The following NCAPD3 variants were observed in gnomAD, a reference collection of about 807,000 sequenced individuals.
The protein encoded by NCAPD3 is condensin-2 complex subunit D3.
In NCAPD3, 105 loss-of-function variants were observed where a neutral mutation model predicts 182.9. The ratio of observed to expected loss-of-function variants is 0.57; its 90% confidence interval spans 0.49 to 0.68. The LOEUF (loss-of-function observed/expected upper bound fraction) is 0.68. Among genes scored for constraint, NCAPD3 ranks in the 30% least tolerant of loss-of-function variants. NCAPD3 has a pLI of 0.00. For missense variants in NCAPD3, 1,944 were observed against 1,837.0 expected (o/e 1.06, Z -1.07); for synonymous variants, 815 against 679.9 (o/e 1.20, Z -3.09).
At chr11:134,186,115 A>G (rs1944400751) in intron 16 of NCAPD3, 1 of 152,220 alleles carries the variant, frequency 6.6e-6, no homozygotes, top group Non-Finnish European at 1.5e-5. Context: ...AAAATATGCA[A>G]TAACTTAATA....
At chr11:134,172,272 C>G (rs951114562) in intron 24 of NCAPD3, among the ~76,000 whole-genome samples, 1 of 152,224 alleles carries the variant, frequency 6.6e-6, no homozygotes, top group Non-Finnish European at 1.5e-5. Context: ...CCCTAACTTT[C>G]TGCTTTCCTG....
chr11:134,185,183 A>T, intron 17 of NCAPD3, 152 bp downstream of exon 17: 1 of 890,632 alleles, frequency 1.1e-6, no homozygotes, highest in Admixed American at 2.8e-5. Context: ...GTGAAACATG[A>T]TTCTTATTTT....
chr11:134,214,971 T>A (rs1241448215), intron 3 of NCAPD3, among the ~76,000 whole-genome samples: 1 of 152,072 alleles, frequency 6.6e-6, no homozygotes, highest in Non-Finnish European at 1.5e-5. Flanking sequence ...TTCAACAAAA[T>A]ATTAGCAAAC....
chr11:134,184,823 AC>A, intron 18 of NCAPD3, 71 bp from the exon 19 acceptor site: 2 of 1,256,118 alleles, frequency 1.6e-6, no homozygotes, highest in South Asian at 1.2e-5. Flanking sequence ...ACACACACAC[AC>A]ACACACACAC....
At position 134,150,667 on chromosome 11, in the gene NCAPD3, ATTTG is replaced by A. The variant is rs1210086145; in HGVS notation, c.*2273_*2276del. ...TTTTTTTTTTTAAGTTTGTTTAATT[ATTTG>A]TTAAGATTGTCTAAGGCCAAAGGCA... On this transcript the variant is annotated 3_prime_UTR_variant, in exon 35 of 35. Coordinates refer to ENST00000534548, the MANE Select transcript of NCAPD3 (RefSeq NM_015261.3). 6.6e-6 allele frequency: 1 copy of A among 151,528 alleles called. No individual in the cohort carries two copies. The highest frequency in any genetic ancestry group is 1.5e-5 in the Non-Finnish European group (1 of 67,870). 9.4% of individuals were successfully genotyped at this position (151,528 alleles called of 1,614,324 possible). A position where few individuals can be genotyped will look rare whatever the true frequency, so the allele number is the denominator to read the frequency against.
chr11:134,165,883 T>G, intron 27 of NCAPD3, among the ~76,000 whole-genome samples: 1 of 108,258 alleles, frequency 9.2e-6, no homozygotes, highest in Admixed American at 1.2e-4. Flanking sequence ...ACTAGTGAGA[T>G]GAGCTTGGGG....
intron 24 of NCAPD3, among the ~76,000 whole-genome samples, chr11:134,170,508 C>A (rs12280128): frequency 1.2e-4 from 19 of 152,350 alleles, no homozygotes; most frequent in Admixed American, 1.2e-3. Flanking sequence ...TCTACTATGG[C>A]ATGGCAGTTT....
At chr11:134,202,600 T>C (rs1422858359) in intron 13 of NCAPD3, among the ~76,000 whole-genome samples, 3 of 151,748 alleles carry the variant, frequency 2.0e-5, no homozygotes, top group African/African-American at 7.3e-5. Flanking sequence ...AGGCTGGTCT[T>C]GAACTCCTGG....
intron 16 of NCAPD3, among the ~76,000 whole-genome samples, 179 bp downstream of exon 16, chr11:134,192,510 G>A (rs1021632167): frequency 2.0e-5 from 3 of 152,210 alleles, no homozygotes; most frequent in Non-Finnish European, 4.4e-5. Flanking sequence ...CAAACATACA[G>A]GCGATAAAAA....
chr11:134,212,375 TTGTGTGTGTGTGTG>T (rs56807520), intron 3 of NCAPD3, among the ~76,000 whole-genome samples: 7 of 143,172 alleles, frequency 4.9e-5, no homozygotes, highest in Non-Finnish European at 7.6e-5. Context: ...TTTTGTTGTT[TTGTGTGTGTGTGTG>T]TGTGTGTGTG....
upstream of NCAPD3, chr11:134,225,460 C>A: frequency 9.5e-7 from 1 of 1,052,530 alleles, no homozygotes; most frequent in Non-Finnish European, 1.4e-6. Context: ...CAACTGCAGT[C>A]TGAGGCCTGG....
intron 3 of NCAPD3, among the ~76,000 whole-genome samples, chr11:134,213,626 C>CT (rs200953815): frequency 1.4e-5 from 2 of 144,616 alleles, no homozygotes; most frequent in African/African-American, 2.6e-5. Flanking sequence ...CCTCGTCTCT[C>CT]TTAAAAAAAA....
In NCAPD3 at chr11:134,157,004, G is replaced by A. The variant is rs376142436; in HGVS notation, c.4252+14C>T. 90 of 1,601,246 alleles carry A rather than the reference G, an allele frequency of 5.6e-5. No homozygotes were observed. The highest frequency in any genetic ancestry group is 3.9e-4 in the African/African-American group (29 of 74,188). On this transcript the variant is annotated intron_variant, in intron 32 of 34. Coordinates refer to ENST00000534548, the MANE Select transcript of NCAPD3 (RefSeq NM_015261.3). ...GACTGAGGAGAAGCCCACGTGTTCCGATCAGTTACTCACTCTCGGGGGTGC... is the reference window on the plus strand; with the variant it reads ...GACTGAGGAGAAGCCCACGTGTTCCAATCAGTTACTCACTCTCGGGGGTGC...
intron 12 of NCAPD3, 99 bp from the exon 13 acceptor site, chr11:134,203,004 G>T: frequency 8.4e-7 from 1 of 1,197,328 alleles, no homozygotes; most frequent in Non-Finnish European, 1.2e-6. Context: ...CATTATTACT[G>T]AAATGAATTT....
In NCAPD3 at chr11:134,158,424, G is replaced by A. The variant is rs1943487802; in HGVS notation, c.3939C>T (p.Ser1313=). 1 of 1,614,078 alleles carries A rather than the reference G, an allele frequency of 6.2e-7. No individual in the cohort carries two copies. Among genetic ancestry groups the A allele is most frequent in the African/African-American group, 1.3e-5 (1 of 74,930 alleles). ...QENPAMSPAV[S]QPCTPRASAG... ...CACTTGCCCTGGGTGTGCAGGGCTG[G>A]CTCACGGCAGGTGACATGGCAGGGT... is the stretch of plus-strand genomic sequence containing the variant. Residue 1313 remains serine, a synonymous_variant, in exon 30 of 35, where the codon AGC becomes AGT. Transcript: ENST00000534548.
At chr11:134,173,153 G>A (rs1944059179) in intron 24 of NCAPD3, 1 of 153,106 alleles carries the variant, frequency 6.5e-6, no homozygotes, top group African/African-American at 2.4e-5. Context: ...CCATCGTCCA[G>A]ATGCAGCCTG....
rs1398377255 is a variant in NCAPD3, at chr11:134,203,686, G to A, written c.1436C>T (p.Ala479Val). Residue 479 changes from alanine to valine, a missense_variant, in exon 11 of 35, where the codon GCG (alanine) becomes GTG (valine). By Grantham distance (64) the Ala-to-Val change is moderately conservative. This residue lies in a region of NCAPD3 where 1,803 missense variants were observed against 1,674.6 expected (regional missense o/e 1.08). Coordinates refer to ENST00000534548, the MANE Select transcript of NCAPD3 (RefSeq NM_015261.3). Reference protein sequence around the residue: ...AHCLELTVTSASESILELLIN... With the variant: ...AHCLELTVTSVSESILELLIN... Reference sequence around the variant, plus strand: ...CAGGAGCTCCAGGATACTCTCCGACGCACTGGTAACAGTCAACTCCAGACA... The same window carrying A: ...CAGGAGCTCCAGGATACTCTCCGACACACTGGTAACAGTCAACTCCAGACA... 4 of 1,613,610 alleles carry A rather than the reference G, an allele frequency of 2.5e-6. No individual in the cohort carries two copies. Among genetic ancestry groups the A allele is most frequent in the Middle Eastern group, 1.7e-4 (1 of 5,982 alleles).
At chr11:134,168,735 A>G (rs1591831032) in intron 25 of NCAPD3, 133 bp from the exon 26 acceptor site, 1 of 1,397,272 alleles carries the variant, frequency 7.2e-7, no homozygotes, top group East Asian at 2.3e-5. Context: ...AGTGCTCATC[A>G]CAGGCGCTGC....
chr11:134,184,435 C>G (rs986126470), intron 19 of NCAPD3, among the ~76,000 whole-genome samples: 1 of 152,204 alleles, frequency 6.6e-6, no homozygotes, highest in Non-Finnish European at 1.5e-5. Flanking sequence ...TCTAAGGGTG[C>G]CGTGTCTCTT....
Sources: allele counts gnomAD v4.1 joint callset (sites outside exome capture counted in the v4.1 genomes callset), GRCh38; gene constraint gnomAD v4.1.1; regional missense constraint gnomAD v4.1.1; transcripts MANE v1.5; gene names NCBI Gene and HGNC (gene_info 2026-07-23, HGNC 2026-07-21).